Variants in RBM14 observed in about 807,000 individuals in gnomAD.
RBM14 encodes RNA-binding protein 14.
In RBM14, 5 loss-of-function variants were observed where a neutral mutation model predicts 52.8. That is an observed-to-expected ratio of 0.09 (90% CI 0.05 to 0.20). RBM14 has a LOEUF of 0.20. Ranked by LOEUF, RBM14 falls within the 10% of genes least tolerant of loss-of-function variation. The pLI, the probability that RBM14 is intolerant of heterozygous loss-of-function variation, is 1.00. For synonymous variants in RBM14, 411 were observed against 401.8 expected, an observed-to-expected ratio of 1.02 and a Z score of -0.28; for missense variants, 780 against 926.6, an observed-to-expected ratio of 0.84 and a Z score of 2.05.
intron 1 of RBM14, among the ~76,000 whole-genome samples, chr11:66,622,759 A>G (rs187734324): frequency 3.9e-5 from 6 of 152,360 alleles, no homozygotes; most frequent in African/African-American, 1.4e-4. Flanking sequence ...AAAGTTTCTA[A>G]AAATGAGGAC....
In RBM14 at chr11:66,625,889, C is replaced by CA. The variant is rs1937782580; in HGVS notation, c.1802+211_1802+212insA. 6.6e-6 allele frequency among the ~76,000 whole-genome samples: 1 copy of CA among 152,210 alleles called. No individual in the cohort carries two copies. On this transcript the variant is annotated intron_variant, in intron 2 of 2. Coordinates refer to ENST00000310137, the MANE Select transcript of RBM14 (RefSeq NM_006328.4). This position sits in a 1 kb window ranked among gnomAD's most constrained non-coding sequence, Gnocchi z 4.2. ...GCATAGTGCTCAGCCTGGGGTGGTA[C>CA]CTGCTAGTCAGGCCAGGCACAGTGT...
chr11:66,626,610 C>G lies in RBM14; in HGVS notation c.1952C>G (p.Ser651Cys). Residue 651 changes from serine to cysteine, a missense_variant, in exon 3 of 3, where the codon TCC becomes TGC. Ser to Cys is a moderately radical substitution (Grantham distance 112, BLOSUM62 -1). This residue lies in a region of RBM14 where 675 missense variants were observed against 697.3 expected (regional missense o/e 0.97). Transcript: ENST00000310137. ...AHSDYARYSG[S>C]YNDYLRAAQM... ...TCCGATTACGCACGCTATTCGGGCT[C>G]CTATAATGATTACCTGCGGGCGGCT... The G allele has an allele frequency of 6.2e-7, 1 of 1,613,546 alleles. No homozygotes were observed. Among genetic ancestry groups the G allele is most frequent in the South Asian group, 1.1e-5 (1 of 91,030 alleles).
chr11:66,629,703 TAA>T lies in RBM14; in HGVS notation c.*3038_*3039del, dbSNP rs1335839669. ...GGTACCTTTGAAAGGTCATAAAGGG[TAA>T]AAGTCTATAGTTTTCCAGAAAATAA... On this transcript the variant is annotated 3_prime_UTR_variant, in exon 3 of 3. Coordinates refer to ENST00000310137, the MANE Select transcript of RBM14 (RefSeq NM_006328.4). 1.3e-5 allele frequency among the ~76,000 whole-genome samples: 2 copies of T among 152,142 alleles called. No homozygotes were observed. The highest frequency in any genetic ancestry group is 2.9e-5 in the Non-Finnish European group (2 of 68,024).
intron 1 of RBM14, 63 bp downstream of exon 1, chr11:66,617,120 C>G (rs572800363): frequency 3.3e-6 from 5 of 1,521,964 alleles, no homozygotes; most frequent in Non-Finnish European, 4.4e-6. Flanking sequence ...TTAGCCACGC[C>G]CCTTACCCGG....
rs376048760 is a variant in RBM14 at position 66,626,587 on chromosome 11, C to A, written c.1929C>A (p.Ser643=). Residue 643 remains serine, a synonymous_variant, in exon 3 of 3, where the codon TCC becomes TCA. Coordinates refer to ENST00000310137, the MANE Select transcript of RBM14 (RefSeq NM_006328.4). Reference sequence around the variant, plus strand: ...ACCGTCGCCTGCCCGATGCCCATTCCGATTACGCACGCTATTCGGGCTCCT... The same window carrying A: ...ACCGTCGCCTGCCCGATGCCCATTCAGATTACGCACGCTATTCGGGCTCCT... ...LDYRRLPDAH[S]DYARYSGSYN... 6.2e-6 allele frequency: 10 copies of A among 1,613,934 alleles called. No individual in the cohort carries two copies. In the South Asian group the frequency reaches 8.8e-5, roughly 14 times the overall value.
rs1035552928 is a variant in RBM14, at chr11:66,627,934, A to G, written c.*1266A>G. 2.0e-5 allele frequency among the ~76,000 whole-genome samples: 3 copies of G among 152,074 alleles called. No individual in the cohort carries two copies. Among genetic ancestry groups the G allele is most frequent in the Admixed American group, 6.6e-5 (1 of 15,264 alleles). On this transcript the variant is annotated 3_prime_UTR_variant, in exon 3 of 3. Transcript: ENST00000310137. ...CATAGAGCTCGTATTTTGCCTGTTG[A>G]GCTGTACCATGGAGCATCCTCCTGT...
Position 66,616,686 on chromosome 11 carries a change from T to G in RBM14, c.-35T>G. 1 of 1,557,716 alleles carries G rather than the reference T, an allele frequency of 6.4e-7. No individual in the cohort carries two copies. Among genetic ancestry groups the G allele is most frequent in the Non-Finnish European group, 8.7e-7 (1 of 1,145,988 alleles). The stretch of plus-strand genomic sequence containing the variant: ...GTCTTGCCTGTCGCTGGAGGAGAGG[T>G]CCGGGCTCTCCAGGAAGGTGGCTGC... On this transcript the variant is annotated 5_prime_UTR_variant, in exon 1 of 3. Coordinates refer to ENST00000310137, the MANE Select transcript of RBM14 (RefSeq NM_006328.4).
At chr11:66,619,267 T>A (rs1858985354) in intron 1 of RBM14, 1 of 152,152 alleles carries the variant, frequency 6.6e-6, no homozygotes, top group Non-Finnish European at 1.5e-5. Context: ...AGCTTGGTGT[T>A]GCACCAGACA....
chr11:66,616,643 A>G lies in RBM14; in HGVS notation c.-78A>G. ...CGGTCGCCAGCCATTCCTGAGGAGGACTGCCGGTCGTTCGGACGTCTTGCC... is the reference window on the plus strand; with the variant it reads ...CGGTCGCCAGCCATTCCTGAGGAGGGCTGCCGGTCGTTCGGACGTCTTGCC... On this transcript the variant is annotated 5_prime_UTR_variant, in exon 1 of 3. Transcript: ENST00000310137. 2.7e-6 allele frequency: 4 copies of G among 1,479,596 alleles called. No homozygotes were observed. Among genetic ancestry groups the G allele is most frequent in the Non-Finnish European group, 3.6e-6 (4 of 1,110,934 alleles). The allele number at this position is 1,479,596 out of a possible 1,614,324, so 91.7% of individuals were successfully genotyped here.
chr11:66,617,117 C>G, intron 1 of RBM14, 60 bp downstream of exon 1: 1 of 1,522,666 alleles, frequency 6.6e-7, no homozygotes, highest in Non-Finnish European at 8.8e-7. Context: ...CTGTTAGCCA[C>G]GCCCCTTACC....
intron 2 of RBM14, 151 bp from the exon 3 acceptor site, chr11:66,626,310 T>A: frequency 1.3e-6 from 1 of 769,426 alleles, no homozygotes; most frequent in Non-Finnish European, 2.1e-6. Context: ...TTGGCCTGGA[T>A]AGGGTGATGA....
At position 66,625,388 on chromosome 11, in the gene RBM14, C is replaced by T. The variant is rs771554819; in HGVS notation, c.1512C>T (p.Tyr504=). ...ATGSYGAAAA[Y]GAQPSATLAA... is the part of the protein sequence containing the mutation. ...GCTCCTATGGTGCCGCAGCAGCCTACGGGGCCCAACCTTCTGCCACCCTGG... is the reference window on the plus strand; with the variant it reads ...GCTCCTATGGTGCCGCAGCAGCCTATGGGGCCCAACCTTCTGCCACCCTGG... The change falls in exon 2 of 3, where the codon TAC becomes TAT. Residue 504 remains tyrosine (Y), a synonymous_variant. Transcript: ENST00000310137. This position sits in a 1 kb window ranked among gnomAD's most constrained non-coding sequence, Gnocchi z 4.2. The T allele has an allele frequency of 3.3e-5, 53 of 1,613,142 alleles. 2 individuals are homozygous for T. Among genetic ancestry groups the T allele is most frequent in the East Asian group, 2.2e-4 (10 of 44,868 alleles).
rs763837963 is a variant in RBM14, at chr11:66,624,748, G to C, written c.872G>C (p.Ser291Thr). 6.2e-7 allele frequency: 1 copy of C among 1,614,054 alleles called. No homozygotes were observed. The highest frequency in any genetic ancestry group is 8.5e-7 in the Non-Finnish European group (1 of 1,179,966). ...GCACCATACAGGGGCCAGCTGGCTA[G>C]TCCTAGCTCCCAGTCTGCTGCAGCT... ...LGAPYRGQLASPSSQSAAASS... is the reference protein window; with the variant it reads ...LGAPYRGQLATPSSQSAAASS... The change falls in exon 2 of 3, where the codon AGT becomes ACT. Residue 291 changes from serine to threonine, a missense_variant. By Grantham distance (58) the Ser-to-Thr change is moderately conservative. Coordinates refer to ENST00000310137, the MANE Select transcript of RBM14 (RefSeq NM_006328.4). The surrounding 1 kb of genome is among the most constrained non-coding windows in gnomAD (Gnocchi z 4.7).
At chr11:66,617,224 C>G in intron 1 of RBM14, 167 bp downstream of exon 1, 1 of 1,428,040 alleles carries the variant, frequency 7.0e-7, no homozygotes, top group East Asian at 2.5e-5. Flanking sequence ...CCCTCCTCCC[C>G]TGCGGTCCAG....
chr11:66,623,994 G>C, intron 1 of RBM14: 1 of 807,322 alleles, frequency 1.2e-6, no homozygotes. Flanking sequence ...TTGTAAAGGG[G>C]AGAATGGGAA....
intron 1 of RBM14, chr11:66,619,553 T>G (rs1859001411): frequency 6.6e-6 from 1 of 151,974 alleles, no homozygotes; most frequent in Admixed American, 6.6e-5. Context: ...GTTTCAAGTT[T>G]AAGATTTTTT....
Position 66,629,070 on chromosome 11 carries a change from A to T in RBM14, c.*2402A>T, listed in dbSNP as rs1590851547. 6.6e-6 allele frequency among the ~76,000 whole-genome samples: 1 copy of T among 152,210 alleles called. No homozygotes were observed. The highest frequency in any genetic ancestry group is 1.9e-4 in the East Asian group (1 of 5,200). ...AAATCATTTGTCATTTTTCTCTGGCAGATTGTTTTAAAATCTCCCTCCCCT... is the reference window on the plus strand; with the variant it reads ...AAATCATTTGTCATTTTTCTCTGGCTGATTGTTTTAAAATCTCCCTCCCCT... On this transcript the variant is annotated 3_prime_UTR_variant, in exon 3 of 3. Coordinates refer to ENST00000310137, the MANE Select transcript of RBM14 (RefSeq NM_006328.4).
At position 66,616,906 on chromosome 11, in the gene RBM14, G is replaced by T; in HGVS notation, c.186G>T (p.Pro62=). ...CCCTGCACGGCCACGAGCTGCGGCC[G>T]GGGCGCGCGCTCGTGGTGGAGATGT... ...IEALHGHELR[P]GRALVVEMSR... The change falls in exon 1 of 3, where the codon CCG becomes CCT. Residue 62 remains proline (P), a synonymous_variant. Coordinates refer to ENST00000310137, the MANE Select transcript of RBM14 (RefSeq NM_006328.4). The T allele has an allele frequency of 6.2e-7, 1 of 1,611,608 alleles. No homozygotes were observed. The highest frequency in any genetic ancestry group is 8.5e-7 in the Non-Finnish European group (1 of 1,179,036).
Position 66,626,693 on chromosome 11 carries a change from A to G in RBM14, c.*25A>G, listed in dbSNP as rs774784692. 6.4e-7 allele frequency: 1 copy of G among 1,557,078 alleles called. No homozygotes were observed. The highest frequency in any genetic ancestry group is 2.3e-5 in the East Asian group (1 of 43,772). On this transcript the variant is annotated 3_prime_UTR_variant, in exon 3 of 3. Transcript: ENST00000310137. ...GGGCCATCCTGGGATGGGGCACCAC[A>G]GGGAGGGAGGGAGAAAAGAGGTGGG...
Sources: allele counts gnomAD v4.1 joint callset (sites outside exome capture counted in the v4.1 genomes callset), GRCh38; gene constraint gnomAD v4.1.1; regional missense constraint gnomAD v4.1.1; non-coding constraint Gnocchi (gnomAD v3.1); transcripts MANE v1.5; gene names NCBI Gene and HGNC (gene_info 2026-07-23, HGNC 2026-07-21).